Variants in OPA3 observed in about 807,000 individuals in gnomAD.
OPA3 encodes the protein outer mitochondrial membrane lipid metabolism regulator OPA3.
OPA3 carries 6 observed loss-of-function variants against 4.0 expected under a neutral mutation model. The observed-to-expected ratio is 1.51, with a 90% CI of 0.83 to 2.99. The LOEUF is 2.99. Ranked by LOEUF, OPA3 falls within the 30% of genes most tolerant of loss-of-function variation. The probability of loss-of-function intolerance (pLI) is 0.00; values close to 1 mark genes in which losing one functional copy is unlikely to be tolerated. For synonymous variants in OPA3, 105 were observed against 117.1 expected (o/e 0.90, Z 0.67); for missense variants, 235 against 256.2 (o/e 0.92, Z 0.56).
intron 1 of OPA3, among the ~76,000 whole-genome samples, chr19:45,537,642 C>A (rs111657293): frequency 4.3e-4 from 65 of 150,884 alleles, no homozygotes; most frequent in African/African-American, 1.2e-3. Context: ...CTTTTATTTT[C>A]TTTTTTTGAG....
chr19:45,582,142 G>A (rs948139946), intron 1 of OPA3, among the ~76,000 whole-genome samples: 1 of 151,742 alleles, frequency 6.6e-6, no homozygotes, highest in Non-Finnish European at 1.5e-5. Flanking sequence ...AGCATTCAGG[G>A]AGATTTTATT....
intron 1 of OPA3, among the ~76,000 whole-genome samples, chr19:45,534,057 T>C (rs1016030820): frequency 1.3e-5 from 2 of 152,192 alleles, no homozygotes. Context: ...ATCTTTACAA[T>C]ATTGAACCTT....
intron 1 of OPA3, among the ~76,000 whole-genome samples, chr19:45,539,526 A>T (rs946415573): frequency 5.9e-5 from 9 of 152,150 alleles, no homozygotes; most frequent in African/African-American, 2.2e-4. Flanking sequence ...TATATTGCCC[A>T]GGCTGGTCTC....
chr19:45,527,892 T>G (rs1002400848), exon 2 of OPA3: 1 of 152,222 alleles, frequency 6.6e-6, no homozygotes, highest in Non-Finnish European at 1.5e-5. Context: ...TCATATGGCC[T>G]GGTGGAATAC....
downstream of OPA3, among the ~76,000 whole-genome samples, chr19:45,541,944 G>A (rs1267330907): frequency 6.6e-6 from 1 of 152,170 alleles, no homozygotes; most frequent in African/African-American, 2.4e-5. Flanking sequence ...GTAGGTCCAC[G>A]GCAGTGGTAG....
At chr19:45,566,338 T>C (rs1277955038) in intron 1 of OPA3, among the ~76,000 whole-genome samples, 2 of 151,918 alleles carry the variant, frequency 1.3e-5, no homozygotes, top group African/African-American at 4.8e-5. Flanking sequence ...TTAGTAGAGT[T>C]AGGGCTCTGC....
rs1969303612 is a variant in OPA3 at position 45,549,683 on chromosome 19, T to A, written c.*3831A>T. On this transcript the variant is annotated 3_prime_UTR_variant, in exon 2 of 2. Coordinates refer to ENST00000263275, the MANE Select transcript of OPA3 (RefSeq NM_025136.4). ...TTAGTAGAGACGGGGTTTTGCCATG[T>A]TGGCCAGGCTGGTCTCGATCTCCTA... 1 of 919,536 alleles carries A rather than the reference T, an allele frequency of 1.1e-6. No individual in the cohort carries two copies. The highest frequency in any genetic ancestry group is 1.8e-5 in the African/African-American group (1 of 55,690). The allele number at this position is 919,536 out of a possible 1,614,324, so 57.0% of individuals were successfully genotyped here. A position where few individuals can be genotyped will look rare whatever the true frequency, so the allele number is the denominator to read the frequency against.
intron 1 of OPA3, among the ~76,000 whole-genome samples, chr19:45,564,658 C>T (rs965057186): frequency 6.6e-6 from 1 of 152,120 alleles, no homozygotes; most frequent in Non-Finnish European, 1.5e-5. Context: ...GAGGTGATGA[C>T]GATGGGAAGG....
At chr19:45,557,841 T>TG (rs1218654936) in intron 1 of OPA3, among the ~76,000 whole-genome samples, 1 of 152,092 alleles carries the variant, frequency 6.6e-6, no homozygotes, top group African/African-American at 2.4e-5. Context: ...CTCACAAGGG[T>TG]GGGGCCCAGG....
intron 1 of OPA3, among the ~76,000 whole-genome samples, chr19:45,540,009 A>C (rs1969165747): frequency 6.6e-6 from 1 of 152,114 alleles, no homozygotes; most frequent in South Asian, 2.1e-4. Context: ...AAAATCATCA[A>C]ATCGTACTCT....
At chr19:45,576,302 AGGTG>A (rs2122505507) in intron 1 of OPA3, among the ~76,000 whole-genome samples, 1 of 151,746 alleles carries the variant, frequency 6.6e-6, no homozygotes, top group African/African-American at 2.4e-5. Context: ...AGGCCAAGGC[AGGTG>A]GATCACCTGA....
intron 1 of OPA3, among the ~76,000 whole-genome samples, chr19:45,535,152 C>A (rs1969102300): frequency 6.6e-6 from 1 of 152,086 alleles, no homozygotes; most frequent in Non-Finnish European, 1.5e-5. Flanking sequence ...GTATTCTCTT[C>A]ATTTAGGTCT....
chr19:45,574,207 C>T (rs1442217800), intron 1 of OPA3, among the ~76,000 whole-genome samples: 4 of 151,840 alleles, frequency 2.6e-5, no homozygotes, highest in Non-Finnish European at 5.9e-5. Flanking sequence ...TCCTGGCTAA[C>T]ATGGTGAAAC....
intron 1 of OPA3, among the ~76,000 whole-genome samples, chr19:45,562,322 T>C (rs1399337678): frequency 9.1e-6 from 1 of 109,438 alleles, no homozygotes; most frequent in African/African-American, 3.6e-5. Context: ...CCAGCTTGGG[T>C]GATACAGTGA....
intron 1 of OPA3, among the ~76,000 whole-genome samples, chr19:45,579,778 A>G (rs1969819734): frequency 6.6e-6 from 1 of 152,102 alleles, no homozygotes; most frequent in South Asian, 2.1e-4. Context: ...CTACCTCATC[A>G]TAACTGGTGA....
At chr19:45,581,662 T>C (rs1158824216) in intron 1 of OPA3, among the ~76,000 whole-genome samples, 1 of 152,134 alleles carries the variant, frequency 6.6e-6, no homozygotes, top group African/African-American at 2.4e-5. Context: ...AAATAATGAA[T>C]GGATGGAGGG....
rs373904642 is a variant in OPA3, at chr19:45,563,457, CTATGA to C, written c.143-9551_143-9547del. ...ACAGGTGTGAGTCACTGTGCCCAGC[CTATGA>C]TAACAATTAAAAAGCCAAGAGAGAC... On this transcript the variant is annotated intron_variant, in intron 1 of 1. Transcript: ENST00000263275. Among the ~76,000 whole-genome samples, 119 of 151,380 alleles carry C rather than the reference CTATGA, an allele frequency of 7.9e-4. 1 individual carries two copies. In the South Asian group the frequency reaches 0.025, roughly 31 times the overall value.
At position 45,560,010 on chromosome 19, in the gene OPA3, C is replaced by CA. The variant is rs781096905; in HGVS notation, c.143-6100dup. 4.6e-5 allele frequency among the ~76,000 whole-genome samples: 7 copies of CA among 152,114 alleles called. No individual in the cohort carries two copies. The East Asian group carries it at 7.7e-4, about 17-fold the overall frequency. ...GACAGGATTGGGAGAATGGCAATGA[C>CA]AGAGTAAGGGAGAAAATGCTCAGTT... is the stretch of plus-strand genomic sequence containing the variant. On this transcript the variant is annotated intron_variant, in intron 1 of 1. Coordinates refer to ENST00000263275, the MANE Select transcript of OPA3 (RefSeq NM_025136.4).
intron 1 of OPA3, among the ~76,000 whole-genome samples, chr19:45,584,077 T>C (rs1333896222): frequency 6.6e-6 from 1 of 152,186 alleles, no homozygotes; most frequent in African/African-American, 2.4e-5. Flanking sequence ...TCCCAGGCCA[T>C]GTCTCCAGAA....
Sources: allele counts gnomAD v4.1 joint callset (sites outside exome capture counted in the v4.1 genomes callset), GRCh38; gene constraint gnomAD v4.1.1; transcripts MANE v1.5; gene names NCBI Gene and HGNC (gene_info 2026-07-23, HGNC 2026-07-21).